ENAH: variants seen among roughly 807,000 people sequenced by gnomAD.
ENAH encodes ENAH actin regulator.
Under a neutral mutation model 78.7 loss-of-function variants are expected in ENAH, and 23 were observed. The ratio of observed to expected loss-of-function variants is 0.29; its 90% CI spans 0.21 to 0.41. The LOEUF (loss-of-function observed/expected upper bound fraction) is 0.41, where lower values mean the gene tolerates loss of function less well. Ranked by LOEUF, ENAH falls within the 10% of genes least tolerant of loss-of-function variation. The pLI, the probability that ENAH is intolerant of heterozygous loss-of-function variation, is 1.00. For missense variants in ENAH, 544 were observed against 691.0 expected, an observed-to-expected ratio of 0.79 and a Z score of 2.39; for synonymous variants, 226 against 241.0, an observed-to-expected ratio of 0.94 and a Z score of 0.58.
chr1:225,563,287 T>C (rs2096717671), intron 2 of ENAH, among the ~76,000 whole-genome samples: 1 of 152,168 alleles, frequency 6.6e-6, no homozygotes, highest in Non-Finnish European at 1.5e-5. Context: ...TTTCTTAAAC[T>C]TTGTATGGCT....
intron 1 of ENAH, among the ~76,000 whole-genome samples, chr1:225,646,713 C>T (rs1203050738): frequency 6.6e-6 from 1 of 151,798 alleles, no homozygotes; most frequent in African/African-American, 2.4e-5. Context: ...GGTGTGAACC[C>T]GGGAGGCAGA....
intron 4 of ENAH, among the ~76,000 whole-genome samples, chr1:225,520,540 T>C (rs1415440367): frequency 1.3e-5 from 2 of 152,128 alleles, no homozygotes; most frequent in Non-Finnish European, 2.9e-5. Flanking sequence ...CTGTGAAATC[T>C]GCTTTCCTTT....
intron 12 of ENAH, among the ~76,000 whole-genome samples, chr1:225,499,856 T>G (rs186161375): frequency 3.3e-5 from 5 of 152,232 alleles, no homozygotes; most frequent in Non-Finnish European, 7.3e-5. Flanking sequence ...AAAGTTTACC[T>G]TTTGAAAAGC....
intron 1 of ENAH, among the ~76,000 whole-genome samples, chr1:225,612,897 C>T (rs2096999214): frequency 6.6e-6 from 1 of 151,922 alleles, no homozygotes; most frequent in African/African-American, 2.4e-5. Flanking sequence ...ATGGGTAAGT[C>T]AACCACGATA....
At chr1:225,573,092 C>T (rs1187619053) in intron 1 of ENAH, among the ~76,000 whole-genome samples, 1 of 152,160 alleles carries the variant, frequency 6.6e-6, no homozygotes, top group Non-Finnish European at 1.5e-5. Flanking sequence ...GTGAATGAAG[C>T]GCTTCCTGGT....
chr1:225,590,082 AACAC>A (rs3050220), intron 1 of ENAH, among the ~76,000 whole-genome samples: 20,871 of 131,246 alleles, frequency 0.16, 2,642 homozygotes, highest in African/African-American at 0.36. Flanking sequence ...CTCATCACTC[AACAC>A]ACACACACAC....
intron 4 of ENAH, among the ~76,000 whole-genome samples, chr1:225,523,002 C>T (rs1455148573): frequency 2.0e-5 from 3 of 151,992 alleles, no homozygotes; most frequent in Non-Finnish European, 4.4e-5. Flanking sequence ...CCCTCCCACC[C>T]GTTTCCTACT....
intron 11 of ENAH, among the ~76,000 whole-genome samples, chr1:225,502,215 G>T (rs1400577689): frequency 6.6e-6 from 1 of 152,080 alleles, no homozygotes; most frequent in Non-Finnish European, 1.5e-5. Flanking sequence ...TGTTGTTGTT[G>T]TTGCTGCTGT....
intron 1 of ENAH, among the ~76,000 whole-genome samples, chr1:225,569,804 CTATGGG>C (rs1558832356): frequency 6.6e-6 from 1 of 152,102 alleles, no homozygotes; most frequent in African/African-American, 2.4e-5. Context: ...AAAAAATAAG[CTATGGG>C]TAAGAGCTGA....
intron 3 of ENAH, among the ~76,000 whole-genome samples, chr1:225,533,530 T>C (rs542347336): frequency 2.6e-5 from 4 of 152,240 alleles, no homozygotes; most frequent in East Asian, 3.9e-4. Context: ...TGCTTTGCTC[T>C]TTCTATGTTA....
chr1:225,498,924 G>A (rs975819731), intron 12 of ENAH, among the ~76,000 whole-genome samples: 4 of 152,166 alleles, frequency 2.6e-5, no homozygotes, highest in African/African-American at 9.7e-5. Context: ...GCCCTAATGG[G>A]TAGGCAGGAA....
At chr1:225,634,945 C>A (rs924036095) in intron 1 of ENAH, among the ~76,000 whole-genome samples, 1 of 152,150 alleles carries the variant, frequency 6.6e-6, no homozygotes, top group Admixed American at 6.6e-5. Context: ...TTGCAAAAAA[C>A]GCCATTGGGA....
chr1:225,516,317 C>T (rs1470258173), intron 6 of ENAH, among the ~76,000 whole-genome samples: 1 of 152,152 alleles, frequency 6.6e-6, no homozygotes, highest in African/African-American at 2.4e-5. Context: ...CTCTACTCCT[C>T]CTGCAAAGTC....
At chr1:225,617,072 C>T (rs536211287) in intron 1 of ENAH, among the ~76,000 whole-genome samples, 5 of 151,188 alleles carry the variant, frequency 3.3e-5, no homozygotes, top group Non-Finnish European at 7.4e-5. Context: ...GCACTCCAGC[C>T]GGGGCAACAC....
intron 2 of ENAH, among the ~76,000 whole-genome samples, chr1:225,557,460 G>A (rs1427784611): frequency 6.6e-6 from 1 of 152,098 alleles, no homozygotes; most frequent in Non-Finnish European, 1.5e-5. Context: ...CTGAAAAAAA[G>A]TGTTCATAAC....
intron 3 of ENAH, among the ~76,000 whole-genome samples, chr1:225,551,435 G>T (rs187792053): frequency 6.6e-6 from 1 of 152,052 alleles, no homozygotes; most frequent in Non-Finnish European, 1.5e-5. Flanking sequence ...ATTTGAGGAC[G>T]TAGGGGACAC....
At chr1:225,615,863 CGAT>C (rs1387438620) in intron 1 of ENAH, among the ~76,000 whole-genome samples, 5 of 148,662 alleles carry the variant, frequency 3.4e-5, no homozygotes, top group Non-Finnish European at 5.9e-5. Flanking sequence ...GCCATGATGA[CGAT>C]GGCGGTTTTG....
intron 4 of ENAH, among the ~76,000 whole-genome samples, chr1:225,521,938 G>GAT: frequency 6.6e-6 from 1 of 152,158 alleles, no homozygotes; most frequent in East Asian, 1.9e-4. Context: ...TGGGACTACA[G>GAT]GTGCCCGCCA....
At chr1:225,637,866 T>C (rs960957601) in intron 1 of ENAH, among the ~76,000 whole-genome samples, 1 of 152,078 alleles carries the variant, frequency 6.6e-6, no homozygotes, top group Non-Finnish European at 1.5e-5. Flanking sequence ...CAGGTTGCAG[T>C]GAGCTATGAT....
Sources: gnomAD v4.1 joint callset for allele counts (sites outside exome capture counted in the v4.1 genomes callset) on GRCh38, gnomAD v4.1.1 for gene constraint, MANE v1.5 for transcripts, NCBI Gene and HGNC (gene_info 2026-07-23, HGNC 2026-07-21) for gene names.